Variants in THSD7B observed in about 807,000 individuals in gnomAD.
THSD7B encodes thrombospondin type 1 domain containing 7B.
In THSD7B, 138 loss-of-function variants were observed where a neutral mutation model predicts 213.6. The ratio of observed to expected loss-of-function variants is 0.65; its 90% CI spans 0.56 to 0.74. The LOEUF (loss-of-function observed/expected upper bound fraction) is 0.74, where lower values mean the gene tolerates loss of function less well. Ranked by LOEUF, THSD7B falls within the 30% of genes least tolerant of loss-of-function variation. The probability of loss-of-function intolerance (pLI) is 0.00; values close to 1 mark genes in which losing one functional copy is unlikely to be tolerated. For missense variants in THSD7B, 1,931 were observed against 1,991.5 expected (o/e 0.97, Z 0.58); for synonymous variants, 742 against 687.0 (o/e 1.08, Z -1.25).
At chr2:137,644,532 T>A (rs1050015288) in intron 21 of THSD7B, among the ~76,000 whole-genome samples, 7 of 152,170 alleles carry the variant, frequency 4.6e-5, no homozygotes, top group Non-Finnish European at 1.0e-4. Context: ...ATATCTAAGT[T>A]GAGTTTTTCC....
In THSD7B at chr2:136,767,736, TC is replaced by T. The variant is rs1255102948; in HGVS notation, c.-36+2050del. Among the ~76,000 whole-genome samples, 21 of 152,274 alleles carry T rather than the reference TC, an allele frequency of 1.4e-4. No individual in the cohort carries two copies. The South Asian group carries it at 2.5e-3, about 18-fold the overall frequency. On this transcript the variant is annotated intron_variant, in intron 1 of 27. Transcript: ENST00000409968. ...ACAAACCATTCAGGGTTTTGGATAT[TC>T]TAGATTAATCTGTGATAAGGGCTTG...
At chr2:137,573,060 C>T (rs1681389117) in intron 17 of THSD7B, among the ~76,000 whole-genome samples, 2 of 137,560 alleles carry the variant, frequency 1.5e-5, no homozygotes, top group Non-Finnish European at 3.2e-5. Flanking sequence ...AACAAAAATA[C>T]CTTAAAAAAA....
chr2:136,925,785 C>A (rs1006694462), intron 2 of THSD7B, among the ~76,000 whole-genome samples: 1 of 152,012 alleles, frequency 6.6e-6, no homozygotes, highest in African/African-American at 2.4e-5. Flanking sequence ...TCTAGGGAAG[C>A]CATTTTATCC....
At chr2:137,120,979 C>T (rs1363408163) in intron 5 of THSD7B, among the ~76,000 whole-genome samples, 1 of 152,090 alleles carries the variant, frequency 6.6e-6, no homozygotes, top group Non-Finnish European at 1.5e-5. Context: ...AGTTAAGGAA[C>T]AAAAGAAACA....
rs191103781 is a variant in THSD7B, at chr2:137,405,755, G to C, written c.2643G>C (p.Thr881=). The part of the protein sequence containing the change: ...DCTFTAWSKF[T]PCSTNCEATK... ...CCTTCACTGCTTGGTCCAAGTTTAC[G>C]CCCTGCTCCACGAACTGTGAAGCCA... is the stretch of plus-strand genomic sequence containing the variant. The change falls in exon 13 of 28, where the codon ACG becomes ACC. Residue 881 remains threonine (T), a synonymous_variant. Coordinates refer to ENST00000409968, the MANE Select transcript of THSD7B (RefSeq NM_001316349.2). The C allele has an allele frequency of 6.2e-7, 1 of 1,613,358 alleles. No homozygotes were observed. Among genetic ancestry groups the C allele is most frequent in the Admixed American group, 1.7e-5 (1 of 59,878 alleles).
intron 1 of THSD7B, among the ~76,000 whole-genome samples, chr2:136,865,427 G>C (rs949988271): frequency 1.3e-5 from 2 of 152,172 alleles, no homozygotes; most frequent in Non-Finnish European, 1.5e-5. Flanking sequence ...ATTTGGACTG[G>C]GCTGCTTGGT....
chr2:136,943,360 G>C (rs1220065914), intron 2 of THSD7B, among the ~76,000 whole-genome samples: 1 of 152,140 alleles, frequency 6.6e-6, no homozygotes, highest in South Asian at 2.1e-4. Context: ...TTGTGTCTCT[G>C]CTAGGCTTTG....
In THSD7B at chr2:137,438,892, C is replaced by T. The variant is rs114228577; in HGVS notation, c.2960-11953C>T. ...AAGGAACTTGAGATGAGATCATCCT[C>T]GGTTTGGGGTAGGCTGTAAAACCAA... On this transcript the variant is annotated intron_variant, in intron 14 of 27. Coordinates refer to ENST00000409968, the MANE Select transcript of THSD7B (RefSeq NM_001316349.2). 5.0e-3 allele frequency among the ~76,000 whole-genome samples: 768 copies of T among 152,136 alleles called. 3 individuals are homozygous for T. Among genetic ancestry groups the T allele is most frequent in the Non-Finnish European group, 8.1e-3 (552 of 67,978 alleles).
chr2:137,006,997 C>T (rs1268754257), intron 2 of THSD7B, among the ~76,000 whole-genome samples: 1 of 152,060 alleles, frequency 6.6e-6, no homozygotes, highest in Admixed American at 6.5e-5. Flanking sequence ...CAGTATTGCT[C>T]AAAACATTTC....
intron 2 of THSD7B, among the ~76,000 whole-genome samples, chr2:137,007,144 T>A (rs568233498): frequency 6.6e-6 from 1 of 152,300 alleles, no homozygotes; most frequent in Admixed American, 6.5e-5. Context: ...GAGGTTTGAA[T>A]GCAAACAGAC....
chr2:137,331,727 G>A (rs1037929878), intron 12 of THSD7B, among the ~76,000 whole-genome samples: 5 of 152,194 alleles, frequency 3.3e-5, no homozygotes, highest in African/African-American at 7.2e-5. Flanking sequence ...CAGGCATGGC[G>A]GGCTGCAGGT....
chr2:137,425,599 C>T (rs1687037298), intron 14 of THSD7B, among the ~76,000 whole-genome samples: 1 of 152,144 alleles, frequency 6.6e-6, no homozygotes, highest in Non-Finnish European at 1.5e-5. Context: ...ACTTGAGTAC[C>T]TGCAGGTTTT....
At chr2:136,812,171 T>C (rs1682386100) in intron 1 of THSD7B, among the ~76,000 whole-genome samples, 1 of 152,204 alleles carries the variant, frequency 6.6e-6, no homozygotes, top group African/African-American at 2.4e-5. Flanking sequence ...ATATCAATAA[T>C]TTGAAAACTC....
At chr2:137,626,021 C>G (rs1007869695) in intron 20 of THSD7B, among the ~76,000 whole-genome samples, 1 of 152,216 alleles carries the variant, frequency 6.6e-6, no homozygotes, top group African/African-American at 2.4e-5. Context: ...TGAGCCATGG[C>G]TGCTCCAGCA....
chr2:137,117,834 C>T (rs966439430), intron 5 of THSD7B, among the ~76,000 whole-genome samples: 3 of 152,158 alleles, frequency 2.0e-5, no homozygotes, highest in African/African-American at 7.2e-5. Context: ...TGCTAATTCC[C>T]TCCCAAAGGT....
rs375694452 is a variant in THSD7B, at chr2:136,781,828, C to G, written c.-36+16141C>G. Among the ~76,000 whole-genome samples the G allele has an allele frequency of 1.6e-4, 25 of 152,296 alleles. No homozygotes were observed. In the East Asian group the frequency reaches 3.1e-3, roughly 19 times the overall value. ...CTCCGTGGCCATGGCTCTCGCTACC[C>G]TTTGCTACTCTGCTCTCCTAGATGT... is the stretch of plus-strand genomic sequence containing the variant. On this transcript the variant is annotated intron_variant, in intron 1 of 27. Coordinates refer to ENST00000409968, the MANE Select transcript of THSD7B (RefSeq NM_001316349.2).
At chr2:137,359,070 G>A (rs966865223) in intron 12 of THSD7B, among the ~76,000 whole-genome samples, 15 of 152,138 alleles carry the variant, frequency 9.9e-5, no homozygotes, top group Admixed American at 5.9e-4. Context: ...TAGCCCACAA[G>A]GCCTTCTACA....
At chr2:137,628,698 T>C (rs756529396) in intron 20 of THSD7B, among the ~76,000 whole-genome samples, 4 of 152,150 alleles carry the variant, frequency 2.6e-5, no homozygotes, top group Non-Finnish European at 5.9e-5. Context: ...CTCTCAGTAA[T>C]AAAGGAGAGC....
chr2:137,043,601 G>A (rs1260522702), intron 2 of THSD7B, among the ~76,000 whole-genome samples: 1 of 152,174 alleles, frequency 6.6e-6, no homozygotes, highest in Non-Finnish European at 1.5e-5. Context: ...GAGGCAGGAG[G>A]TGTGTGGCAG....
Sources: allele counts gnomAD v4.1 joint callset (sites outside exome capture counted in the v4.1 genomes callset), GRCh38; gene constraint gnomAD v4.1.1; transcripts MANE v1.5; gene names NCBI Gene and HGNC (gene_info 2026-07-23, HGNC 2026-07-21).